GOLM1: variants seen among roughly 807,000 people sequenced by gnomAD.
GOLM1 encodes epididymis luminal protein 46.
Under a neutral mutation model 50.5 loss-of-function variants are expected in GOLM1, and 31 were observed. The observed-to-expected ratio is 0.61, with a 90% CI of 0.46 to 0.83. The LOEUF (loss-of-function observed/expected upper bound fraction) is 0.83. Among genes scored for constraint, GOLM1 ranks in the 40% least tolerant of loss-of-function variants. The probability of loss-of-function intolerance (pLI) is 0.00; values close to 1 mark genes in which losing one functional copy is unlikely to be tolerated. For synonymous variants in GOLM1, 178 were observed against 192.8 expected (o/e 0.92, Z 0.64); for missense variants, 491 against 501.3 (o/e 0.98, Z 0.20).
chr9:86,040,908 G>T (rs1261431040), intron 5 of GOLM1, 40 bp from the exon 6 acceptor site: 2 of 1,602,982 alleles, frequency 1.2e-6, no homozygotes, highest in Non-Finnish European at 1.7e-6. Context: ...TGACGTCTAT[G>T]ACTGTGTCTC....
intron 9 of GOLM1, 36 bp from the exon 10 acceptor site, chr9:86,027,929 T>G: frequency 1.6e-6 from 2 of 1,264,010 alleles, no homozygotes; most frequent in South Asian, 2.4e-5. Flanking sequence ...CTATAGAGTA[T>G]TAAATGAGAT....
intron 2 of GOLM1, among the ~76,000 whole-genome samples, chr9:86,078,394 G>T (rs1423451462): frequency 6.6e-6 from 1 of 152,172 alleles, no homozygotes; most frequent in African/African-American, 2.4e-5. Context: ...GCACAGTGCG[G>T]GGAGTCAGTG....
chr9:86,048,397 G>A (rs1833627693), intron 4 of GOLM1, among the ~76,000 whole-genome samples: 1 of 152,152 alleles, frequency 6.6e-6, no homozygotes. Context: ...CCAGTAATGG[G>A]ATGGCTGGGT....
intron 3 of GOLM1, among the ~76,000 whole-genome samples, chr9:86,065,464 C>T (rs1015112082): frequency 6.6e-6 from 1 of 152,184 alleles, no homozygotes; most frequent in African/African-American, 2.4e-5. Context: ...TGCACAAGAT[C>T]GCTTTGGTTC....
intron 1 of GOLM1, among the ~76,000 whole-genome samples, chr9:86,084,092 G>C (rs2118871868): frequency 6.6e-6 from 1 of 152,286 alleles, no homozygotes; most frequent in East Asian, 1.9e-4. Context: ...CAAGGAGCTT[G>C]AGATGAACCA....
intron 1 of GOLM1, among the ~76,000 whole-genome samples, chr9:86,091,043 G>T (rs1438158262): frequency 2.0e-5 from 3 of 152,148 alleles, no homozygotes; most frequent in Non-Finnish European, 4.4e-5. Flanking sequence ...TCCTAGATGA[G>T]GCGATGCCCC....
At chr9:86,030,943 G>T (rs1051540086) in intron 9 of GOLM1, among the ~76,000 whole-genome samples, 1 of 152,210 alleles carries the variant, frequency 6.6e-6, no homozygotes, top group African/African-American at 2.4e-5. Context: ...TTAGCCAGAC[G>T]TGGTGGCTTA....
chr9:86,041,942 CCTGTCT>C (rs1833366397), intron 5 of GOLM1, among the ~76,000 whole-genome samples: 2 of 152,260 alleles, frequency 1.3e-5, no homozygotes, highest in South Asian at 4.1e-4. Flanking sequence ...ACGGTGAAAC[CCTGTCT>C]CTATTAAAAA....
chr9:86,070,398 CCT>C (rs563948778), intron 3 of GOLM1, among the ~76,000 whole-genome samples: 135 of 151,750 alleles, frequency 8.9e-4, no homozygotes, highest in African/African-American at 3.0e-3. Flanking sequence ...ATGGTGAAAC[CCT>C]GTCTCTACTA....
intron 3 of GOLM1, among the ~76,000 whole-genome samples, chr9:86,059,084 C>A (rs983754220): frequency 2.0e-5 from 3 of 152,032 alleles, no homozygotes; most frequent in Non-Finnish European, 4.4e-5. Flanking sequence ...AGAACCCCCC[C>A]CCAATACACA....
intron 1 of GOLM1, 124 bp from the exon 2 acceptor site, chr9:86,079,465 C>T (rs1834722688): frequency 1.4e-6 from 1 of 705,752 alleles, no homozygotes; most frequent in Admixed American, 3.0e-5. Context: ...GTAGCTTCTC[C>T]TTGACGTGCA....
chr9:86,075,959 CA>C, intron 3 of GOLM1, among the ~76,000 whole-genome samples: 1 of 151,974 alleles, frequency 6.6e-6, no homozygotes, highest in East Asian at 1.9e-4. Flanking sequence ...AATTAAACAA[CA>C]AAAAAAGTAC....
intron 1 of GOLM1, among the ~76,000 whole-genome samples, chr9:86,082,123 G>A (rs1834801583): frequency 7.2e-6 from 1 of 138,346 alleles, no homozygotes; most frequent in African/African-American, 2.7e-5. Flanking sequence ...CCGCCTCCCA[G>A]GTTCATGCCA....
chr9:86,048,248 C>A (rs1048230450), intron 4 of GOLM1, among the ~76,000 whole-genome samples: 2 of 152,090 alleles, frequency 1.3e-5, no homozygotes, highest in Non-Finnish European at 2.9e-5. Context: ...GTATATGTGC[C>A]ACATTTTCTT....
At chr9:86,047,677 C>T (rs7875917) in intron 4 of GOLM1, among the ~76,000 whole-genome samples, 3 of 152,012 alleles carry the variant, frequency 2.0e-5, no homozygotes, top group Non-Finnish European at 4.4e-5. Context: ...TGTATATAAA[C>T]GATACTTTAA....
chr9:86,079,792 A>G (rs749118162), intron 1 of GOLM1: 138 of 153,168 alleles, frequency 9.0e-4, no homozygotes, highest in Non-Finnish European at 2.8e-4. Flanking sequence ...ATCATATTAG[A>G]AAGAGTATAT....
intron 1 of GOLM1, among the ~76,000 whole-genome samples, chr9:86,098,792 G>C (rs1040459716): frequency 1.3e-5 from 2 of 152,230 alleles, no homozygotes; most frequent in East Asian, 3.9e-4. Flanking sequence ...ACAGGTATGC[G>C]AGAAAACCCC....
chr9:86,042,451 A>AAT (rs1371465316), intron 5 of GOLM1, among the ~76,000 whole-genome samples: 3 of 152,110 alleles, frequency 2.0e-5, no homozygotes, highest in Non-Finnish European at 4.4e-5. Flanking sequence ...TGACTCTTGG[A>AAT]ATATACCCTT....
At chr9:86,064,634 T>C (rs1834254245) in intron 3 of GOLM1, among the ~76,000 whole-genome samples, 1 of 152,178 alleles carries the variant, frequency 6.6e-6, no homozygotes, top group Non-Finnish European at 1.5e-5. Context: ...GCTTAAACCC[T>C]ATGACGGCTT....
Sources: gnomAD v4.1 joint callset for allele counts (sites outside exome capture counted in the v4.1 genomes callset) on GRCh38, gnomAD v4.1.1 for gene constraint, MANE v1.5 for transcripts, NCBI Gene and HGNC (gene_info 2026-07-23, HGNC 2026-07-21) for gene names.